HMCN1: variants seen among roughly 807,000 people sequenced by gnomAD.
HMCN1 encodes the protein hemicentin-1.
In HMCN1, 321 loss-of-function variants were observed where a neutral mutation model predicts 625.9. The ratio of observed to expected loss-of-function variants is 0.51; its 90% CI spans 0.47 to 0.56. The LOEUF is 0.56. Among genes scored for constraint, HMCN1 ranks in the 20% least tolerant of loss-of-function variants. The pLI is 0.00. For missense variants in HMCN1, 6,588 were observed against 6,887.3 expected (o/e 0.96, Z 1.54); for synonymous variants, 2,425 against 2,417.6 (o/e 1.00, Z -0.09).
chr1:186,189,942 C>A lies in HMCN1; in HGVS notation c.*64C>A. The stretch of plus-strand genomic sequence containing the variant: ...TTAATCATGGCAATCAAGCCCCCTT[C>A]CAGATTACTGTCTCTTGAACAGTTG... On this transcript the variant is annotated 3_prime_UTR_variant, in exon 107 of 107. Coordinates refer to ENST00000271588, the MANE Select transcript of HMCN1 (RefSeq NM_031935.3). The A allele has an allele frequency of 1.3e-6, 2 of 1,573,006 alleles. No homozygotes were observed. Among genetic ancestry groups the A allele is most frequent in the Non-Finnish European group, 1.7e-6 (2 of 1,149,970 alleles).
At chr1:185,779,892 T>G (rs1193614894) in intron 1 of HMCN1, among the ~76,000 whole-genome samples, 13 of 152,126 alleles carry the variant, frequency 8.5e-5, no homozygotes, top group African/African-American at 3.1e-4. Context: ...AGAAAGTCAT[T>G]GGTAGCTTGA....
intron 36 of HMCN1, among the ~76,000 whole-genome samples, chr1:186,026,731 C>T (rs572138663): frequency 8.5e-5 from 13 of 152,098 alleles, no homozygotes; most frequent in South Asian, 8.3e-4. Flanking sequence ...TCTCCCTAGG[C>T]TCAGGTGATC....
In HMCN1 at chr1:186,074,766, A is replaced by C; in HGVS notation, c.8165A>C (p.Asn2722Thr). 1.2e-6 allele frequency: 2 copies of C among 1,613,072 alleles called. No homozygotes were observed. Among genetic ancestry groups the C allele is most frequent in the Non-Finnish European group, 1.7e-6 (2 of 1,179,332 alleles). ...GQPLKSDDHVNIAANGHTLQI... is the reference protein window; with the variant it reads ...GQPLKSDDHVTIAANGHTLQI... Reference sequence around the variant, plus strand: ...CCCCTTAAATCCGATGATCATGTTAATATTGCTGCGAATGGACACACACTT... The same window carrying C: ...CCCCTTAAATCCGATGATCATGTTACTATTGCTGCGAATGGACACACACTT... Residue 2722 changes from asparagine (N) to threonine (T), a missense_variant, in exon 53 of 107, where the codon AAT becomes ACT. Transcript: ENST00000271588.
chr1:186,168,285 C>A (rs1265444701), intron 100 of HMCN1, among the ~76,000 whole-genome samples: 2 of 151,092 alleles, frequency 1.3e-5, no homozygotes, highest in African/African-American at 2.4e-5. Context: ...TAAGAAAAAT[C>A]TTTTAAAAGT....
intron 4 of HMCN1, among the ~76,000 whole-genome samples, chr1:185,905,261 C>CT (rs1558055034): frequency 6.6e-6 from 1 of 151,590 alleles, no homozygotes; most frequent in Non-Finnish European, 1.5e-5. Flanking sequence ...CCTTTTCTTT[C>CT]TTCTTTTATC....
intron 1 of HMCN1, among the ~76,000 whole-genome samples, chr1:185,779,527 G>T (rs1277995796): frequency 6.6e-6 from 1 of 152,170 alleles, no homozygotes; most frequent in African/African-American, 2.4e-5. Flanking sequence ...TTTTGTATAA[G>T]GTGTAAGGAA....
chr1:185,790,198 A>G (rs1657896937), intron 1 of HMCN1, among the ~76,000 whole-genome samples: 1 of 152,206 alleles, frequency 6.6e-6, no homozygotes, highest in Non-Finnish European at 1.5e-5. Context: ...GCATCTTTTC[A>G]TTGTTAAATT....
chr1:185,955,278 C>A (rs1649539967), intron 11 of HMCN1, among the ~76,000 whole-genome samples: 1 of 152,102 alleles, frequency 6.6e-6, no homozygotes, highest in Admixed American at 6.6e-5. Context: ...TTTCTAATTA[C>A]CCCAGAATAA....
At chr1:186,165,779 A>C (rs1267355809) in intron 98 of HMCN1, among the ~76,000 whole-genome samples, 1 of 152,238 alleles carries the variant, frequency 6.6e-6, no homozygotes, top group Non-Finnish European at 1.5e-5. Context: ...CAGCCCTGCC[A>C]GTAATGACTT....
chr1:185,992,809 TTTTG>T (rs1652518015), intron 22 of HMCN1, among the ~76,000 whole-genome samples: 1 of 152,208 alleles, frequency 6.6e-6, no homozygotes, highest in Non-Finnish European at 1.5e-5. Context: ...ATTCAACTAT[TTTTG>T]AGAACATGTA....
At chr1:185,952,756 G>C (rs950511415) in intron 11 of HMCN1, among the ~76,000 whole-genome samples, 1 of 151,640 alleles carries the variant, frequency 6.6e-6, no homozygotes, top group Non-Finnish European at 1.5e-5. Context: ...GAAGAAGGAG[G>C]AATGGAAGGT....
intron 69 of HMCN1, 106 bp from the exon 70 acceptor site, chr1:186,106,778 T>C: frequency 1.2e-6 from 1 of 833,918 alleles, no homozygotes. Flanking sequence ...GCTTTAATTA[T>C]CTTGCTTTTG....
At chr1:186,122,883 T>C in intron 80 of HMCN1, 68 bp from the exon 81 acceptor site, 1 of 1,473,212 alleles carries the variant, frequency 6.8e-7, no homozygotes, top group Non-Finnish European at 9.4e-7. Context: ...AGCAGTACTG[T>C]AGTATGTAAT....
At chr1:185,869,784 T>G (rs1558028522) in intron 4 of HMCN1, among the ~76,000 whole-genome samples, 1 of 152,136 alleles carries the variant, frequency 6.6e-6, no homozygotes, top group Admixed American at 6.6e-5. Flanking sequence ...CATTACGAAC[T>G]CTAGGGAAAA....
At chr1:185,788,431 A>G (rs1657770630) in intron 1 of HMCN1, among the ~76,000 whole-genome samples, 2 of 152,252 alleles carry the variant, frequency 1.3e-5, no homozygotes, top group Admixed American at 1.3e-4. Context: ...AACATGTGGA[A>G]CTTGAAATGG....
intron 2 of HMCN1, among the ~76,000 whole-genome samples, chr1:185,850,379 AT>A (rs927753823): frequency 1.2e-4 from 18 of 151,410 alleles, no homozygotes; most frequent in African/African-American, 3.6e-4. Flanking sequence ...TATTGTATTC[AT>A]TTTTTTTTCC....
chr1:186,007,365 T>A lies in HMCN1; in HGVS notation c.4630+83T>A. The A allele has an allele frequency of 2.4e-6, 3 of 1,247,904 alleles. No individual in the cohort carries two copies. In the Admixed American group the frequency reaches 5.1e-5, roughly 21 times the overall value. 77.3% of individuals were successfully genotyped at this position (1,247,904 alleles called of 1,614,324 possible). A position where few individuals can be genotyped will look rare whatever the true frequency, so the allele number is the denominator to read the frequency against. On this transcript the variant is annotated intron_variant, in intron 30 of 106. Coordinates refer to ENST00000271588, the MANE Select transcript of HMCN1 (RefSeq NM_031935.3). Reference sequence around the variant, plus strand: ...GGGTTTACTGGTAACTACACTCTTATTTCATACTGAATAATTTGGAATACT... The same window carrying A: ...GGGTTTACTGGTAACTACACTCTTAATTCATACTGAATAATTTGGAATACT...
rs764437979 is a variant in HMCN1 at position 186,114,900 on chromosome 1, C to G, written c.11358C>G (p.Thr3786=). 137 of 1,614,010 alleles carry G rather than the reference C, an allele frequency of 8.5e-5. No individual in the cohort carries two copies. The highest frequency in any genetic ancestry group is 1.1e-4 in the Non-Finnish European group (130 of 1,180,010). ...CTGGACGGTATTTGTGTATGGCCACCAATGCTGCTGGAACAGATCGCAGGC... is the reference window on the plus strand; with the variant it reads ...CTGGACGGTATTTGTGTATGGCCACGAATGCTGCTGGAACAGATCGCAGGC... ...TDTGRYLCMA[T]NAAGTDRRRI... is the part of the protein sequence containing the mutation. Residue 3786 remains threonine, a synonymous_variant, in exon 74 of 107, where the codon ACC becomes ACG. Coordinates refer to ENST00000271588, the MANE Select transcript of HMCN1 (RefSeq NM_031935.3).
At chr1:185,761,051 G>A (rs1015042443) in intron 1 of HMCN1, among the ~76,000 whole-genome samples, 2 of 152,040 alleles carry the variant, frequency 1.3e-5, no homozygotes, top group African/African-American at 4.8e-5. Context: ...TATGAGTTTA[G>A]GACAAGGAGC....
Sources: gnomAD v4.1 joint callset for allele counts (sites outside exome capture counted in the v4.1 genomes callset) on GRCh38, gnomAD v4.1.1 for gene constraint, MANE v1.5 for transcripts, NCBI Gene and HGNC (gene_info 2026-07-23, HGNC 2026-07-21) for gene names.